GGCX: variants seen among roughly 807,000 people sequenced by gnomAD.
GGCX encodes the protein vitamin K-dependent gamma-carboxylase.
In GGCX, 63 loss-of-function variants were observed where a neutral mutation model predicts 88.5. The ratio of observed to expected loss-of-function variants is 0.71; its 90% CI spans 0.58 to 0.88. The LOEUF is 0.88. GGCX is among the 40% of genes least tolerant of loss of function. The pLI is 0.00. For synonymous variants in GGCX, 368 were observed against 365.8 expected, an observed-to-expected ratio of 1.01 and a Z score of -0.07; for missense variants, 805 against 932.9, an observed-to-expected ratio of 0.86 and a Z score of 1.79.
intron 8 of GGCX, 51 bp downstream of exon 8, chr2:85,553,181 C>T (rs760030664): frequency 2.7e-5 from 44 of 1,612,604 alleles, no homozygotes; most frequent in Non-Finnish European, 3.2e-5. Context: ...TATTGTCATC[C>T]GTTCCTTTCT....
chr2:85,551,188 T>A, intron 12 of GGCX, 116 bp from the exon 13 acceptor site: 1 of 1,056,822 alleles, frequency 9.5e-7, no homozygotes, highest in Non-Finnish European at 1.5e-6. Context: ...GAATCGAAAG[T>A]AACGGACCTC....
intron 6 of GGCX, 193 bp downstream of exon 6, chr2:85,555,291 A>G (rs1692162132): frequency 1.8e-6 from 1 of 549,328 alleles, no homozygotes; most frequent in Non-Finnish European, 3.3e-6. Flanking sequence ...TATACCATAT[A>G]TCTCCCAAGA....
In GGCX at chr2:85,560,806, T is replaced by C; in HGVS notation, c.214+9A>G. On this transcript the variant is annotated intron_variant, in intron 2 of 14. Transcript: ENST00000233838. ...AACCAAATTGCTCCCACCCATAAACTGGACTCACCAAAAAGAAAACGAAAG... is the reference window on the plus strand; with the variant it reads ...AACCAAATTGCTCCCACCCATAAACCGGACTCACCAAAAAGAAAACGAAAG... The C allele has an allele frequency of 6.2e-7, 1 of 1,611,646 alleles. No individual in the cohort carries two copies. Among genetic ancestry groups the C allele is most frequent in the Non-Finnish European group, 8.5e-7 (1 of 1,177,774 alleles).
At position 85,551,427 on chromosome 2, in the gene GGCX, G is replaced by A. The variant is rs182585478; in HGVS notation, c.1740+53C>T. ...GCCTCCTAAGAAGCTGGGATTACTG[G>A]TGTGAGCTACTGCACTCAGTTCTTT... is the stretch of plus-strand genomic sequence containing the variant. On this transcript the variant is annotated intron_variant, in intron 12 of 14. Transcript: ENST00000233838. 328 of 1,584,318 alleles carry A rather than the reference G, an allele frequency of 2.1e-4. 1 individual carries two copies. Among genetic ancestry groups the A allele is most frequent in the Middle Eastern group, 1.0e-3 (6 of 5,998 alleles).
chr2:85,549,997 G>GT lies in GGCX; in HGVS notation c.2213dup (p.Asn738LysfsTer8), dbSNP rs772825485. 1 of 1,612,926 alleles carries GT rather than the reference G, an allele frequency of 6.2e-7. No homozygotes were observed. The highest frequency in any genetic ancestry group is 1.1e-5 in the South Asian group (1 of 91,036). ...GAGGATTAGAATGTGAAGAATCCGTGTTTGAGGGATTCAGTTCTCCAACTG... is the reference window on the plus strand; with the variant it reads ...GAGGATTAGAATGTGAAGAATCCGTGTTTTGAGGGATTCAGTTCTCCAACTG... On this transcript the variant is annotated frameshift_variant, in exon 15 of 15. Transcript: ENST00000233838. LOFTEE classifies it high-confidence loss of function.
At position 85,550,559 on chromosome 2, in the gene GGCX, G is replaced by A. The variant is rs374455399; in HGVS notation, c.2080C>T (p.Arg694Cys). Residue 694 changes from arginine to cysteine, a missense_variant, in exon 14 of 15, where the codon CGC becomes TGC. Physicochemically the swap from Arg to Cys is radical, Grantham distance 180 (BLOSUM62 -3). Coordinates refer to ENST00000233838, the MANE Select transcript of GGCX (RefSeq NM_000821.7). ...CAAATATTGTTGTGAACTTACCTGC[G>A]GCGAAAGACATAGAGCTTTCGCAAC... ...FLLRKLYVFR[R>C]SFLMTCISLR... The A allele has an allele frequency of 1.1e-5, 17 of 1,610,124 alleles. No homozygotes were observed. Among genetic ancestry groups the A allele is most frequent in the African/African-American group, 8.0e-5 (6 of 74,798 alleles).
chr2:85,554,424 A>C, intron 6 of GGCX, 118 bp from the exon 7 acceptor site: 1 of 859,502 alleles, frequency 1.2e-6, no homozygotes, highest in Non-Finnish European at 2.0e-6. Flanking sequence ...AAGGTACATA[A>C]TCCACCCATG....
chr2:85,560,155 C>CTTAA (rs1491221657), intron 2 of GGCX, among the ~76,000 whole-genome samples: 1 of 152,138 alleles, frequency 6.6e-6, no homozygotes, highest in Non-Finnish European at 1.5e-5. Flanking sequence ...GCTGCGGCCT[C>CTTAA]AGTTAAGAAG....
At position 85,551,863 on chromosome 2, in the gene GGCX, T is replaced by C. The variant is rs368186099; in HGVS notation, c.1558A>G (p.Lys520Glu). The change falls in exon 11 of 15, where the codon AAG (lysine) becomes GAG (glutamate). Residue 520 changes from lysine (K) to glutamate (E), a missense_variant. This residue lies in a region of GGCX where 680 missense variants were observed against 763.7 expected (regional missense o/e 0.89). Transcript: ENST00000233838. Reference sequence around the variant, plus strand: ...TCAGTGTGGTTGTCTAGGCTGCTCTTGATTTCCTGTAACTTGGCCCTCCAG... The same window carrying C: ...TCAGTGTGGTTGTCTAGGCTGCTCTCGATTTCCTGTAACTTGGCCCTCCAG... Reference protein sequence around the residue: ...SPWRAKLQEIKSSLDNHTEVV... With the variant: ...SPWRAKLQEIESSLDNHTEVV... The C allele has an allele frequency of 3.1e-6, 5 of 1,613,896 alleles. No homozygotes were observed. In the African/African-American group the frequency reaches 6.7e-5, roughly 22 times the overall value.
At chr2:85,551,355 T>C in intron 12 of GGCX, 125 bp downstream of exon 12, 1 of 948,466 alleles carries the variant, frequency 1.1e-6, no homozygotes, top group Non-Finnish European at 1.7e-6. Flanking sequence ...AGATGGGGTC[T>C]CACTCTGTTG....
At position 85,546,129 on chromosome 2, in the gene GGCX, T is replaced by C. The variant is rs12470957; in HGVS notation, c.*3805A>G. 0.12 allele frequency: 18,242 copies of C among 152,176 alleles called. 1,745 individuals carry two copies. Among genetic ancestry groups the C allele is most frequent in the African/African-American group, 0.27 (11,122 of 41,480 alleles). The allele number at this position is 152,176 out of a possible 1,614,324, so 9.4% of individuals were successfully genotyped here. ...CATGGAGACTTAAAAACTTGGAAAT[T>C]TGGAGGCCAGGCGGAGTGGCCTGTA... On this transcript the variant is annotated 3_prime_UTR_variant, in exon 15 of 15. Coordinates refer to ENST00000233838, the MANE Select transcript of GGCX (RefSeq NM_000821.7).
intron 12 of GGCX, 132 bp from the exon 13 acceptor site, chr2:85,551,204 T>C: frequency 1.1e-6 from 1 of 926,900 alleles, no homozygotes; most frequent in Non-Finnish European, 1.7e-6. Context: ...ACCTCTAGAA[T>C]CCTGGATGAG....
Position 85,550,801 on chromosome 2 carries a change from C to T in GGCX, c.1889-51G>A, listed in dbSNP as rs774485782. 8.9e-5 allele frequency: 141 copies of T among 1,586,564 alleles called. 1 individual carries two copies. In the Admixed American group the frequency reaches 2.2e-3, roughly 25 times the overall value. On this transcript the variant is annotated intron_variant, in intron 13 of 14. Coordinates refer to ENST00000233838, the MANE Select transcript of GGCX (RefSeq NM_000821.7). ...AATCACTGAGATGGATCACTCTCTC[C>T]CCTTAGAACTCCTCTTCTGCCAGCT...
chr2:85,553,313 C>CA lies in GGCX; in HGVS notation c.1073dup (p.Arg359AlafsTer30). ...TGAAGGCAGCTCCCAGCTGATGGCG[C>CA]AGCCCTGGCTTCTGGCCACTTTTGC... On this transcript the variant is annotated frameshift_variant, in exon 8 of 15. Coordinates refer to ENST00000233838, the MANE Select transcript of GGCX (RefSeq NM_000821.7). LOFTEE classifies it high-confidence loss of function. The CA allele has an allele frequency of 6.2e-7, 1 of 1,614,256 alleles. No homozygotes were observed.
intron 5 of GGCX, 73 bp from the exon 6 acceptor site, chr2:85,555,663 A>C: frequency 1.2e-6 from 1 of 861,790 alleles, no homozygotes; most frequent in Non-Finnish European, 2.0e-6. Flanking sequence ...TAAAATAAGG[A>C]GCATATAGTT....
In GGCX at chr2:85,548,271, A is replaced by G. The variant is rs940043336; in HGVS notation, c.*1663T>C. On this transcript the variant is annotated 3_prime_UTR_variant, in exon 15 of 15. Transcript: ENST00000233838. ...TTGGCAATTTTAAGAAATGCAAGGA[A>G]AAAGGAAGAGTCAAGGCTGATGACC... The G allele has an allele frequency of 1.3e-5, 2 of 152,222 alleles. No individual in the cohort carries two copies. Among genetic ancestry groups the G allele is most frequent in the African/African-American group, 4.8e-5 (2 of 41,440 alleles). 9.4% of individuals were successfully genotyped at this position (152,222 alleles called of 1,614,324 possible). A position where few individuals can be genotyped will look rare whatever the true frequency, so the allele number is the denominator to read the frequency against.
rs768415020 is a variant in GGCX, at chr2:85,552,551, C to T, written c.1304G>A (p.Arg435Gln). Residue 435 changes from arginine to glutamine, a missense_variant, in exon 10 of 15, where the codon CGG (arginine) becomes CAG (glutamine). Physicochemically the swap from Arg to Gln is conservative, Grantham distance 43 (BLOSUM62 1). This residue lies in a region of GGCX where 680 missense variants were observed against 763.7 expected (regional missense o/e 0.89). Transcript: ENST00000233838. ...YLNPGVFTQS[R>Q]RWKDHADMLK... ...CATGTCTGCATGATCCTTCCATCGC[C>T]GACTCTGTGTAAATACCTGCCCCAA... 1.1e-5 allele frequency: 17 copies of T among 1,613,664 alleles called. No individual in the cohort carries two copies. Among genetic ancestry groups the T allele is most frequent in the Admixed American group, 3.3e-5 (2 of 60,014 alleles).
In GGCX at chr2:85,546,477, G is replaced by A. The variant is rs534066936; in HGVS notation, c.*3457C>T. On this transcript the variant is annotated 3_prime_UTR_variant, in exon 15 of 15. Coordinates refer to ENST00000233838, the MANE Select transcript of GGCX (RefSeq NM_000821.7). ...TACACCTGTAATCCCAGCACTTTGGGAGGCTAATGCGGGTGGATCACCTGA... is the reference window on the plus strand; with the variant it reads ...TACACCTGTAATCCCAGCACTTTGGAAGGCTAATGCGGGTGGATCACCTGA... The A allele has an allele frequency of 6.7e-6, 1 of 149,508 alleles. No homozygotes were observed. The highest frequency in any genetic ancestry group is 6.7e-5 in the Admixed American group (1 of 14,940). The allele number at this position is 149,508 out of a possible 1,614,324, so 9.3% of individuals were successfully genotyped here.
Position 85,553,465 on chromosome 2 carries a change from G to A in GGCX, c.922C>T (p.Pro308Ser), listed in dbSNP as rs1476365608. The A allele has an allele frequency of 5.0e-6, 8 of 1,613,754 alleles. No individual in the cohort carries two copies. The highest frequency in any genetic ancestry group is 6.8e-6 in the Non-Finnish European group (8 of 1,179,964). The change falls in exon 8 of 15, where the codon CCT becomes TCT. Residue 308 changes from proline to serine, a missense_variant. By Grantham distance (74) the Pro-to-Ser change is moderately conservative (BLOSUM62 -1). This residue lies in a region of GGCX where 680 missense variants were observed against 763.7 expected (regional missense o/e 0.89). Transcript: ENST00000233838. ...MFSYVMLASS[P>S]LFCSPEWPRK... ...GGCCACTCAGGGGAGCAGAAGAGAG[G>A]GCTGCTGGCCAGCATGACGTAGGAG...
Sources: gnomAD v4.1 joint callset for allele counts (sites outside exome capture counted in the v4.1 genomes callset) on GRCh38, gnomAD v4.1.1 for gene constraint, gnomAD v4.1.1 regional missense constraint, MANE v1.5 for transcripts, NCBI Gene and HGNC (gene_info 2026-07-23, HGNC 2026-07-21) for gene names.